The following ZBTB20 variants were observed in gnomAD, a reference collection of about 807,000 sequenced individuals.
ZBTB20 encodes the protein zinc finger and BTB domain-containing protein 20.
A neutral mutation model predicts 56.9 loss-of-function variants in ZBTB20; 9 were observed. The ratio of observed to expected loss-of-function variants is 0.16; its 90% CI spans 0.10 to 0.28. The LOEUF is 0.28. Ranked by LOEUF, ZBTB20 falls within the 10% of genes least tolerant of loss-of-function variation. The pLI is 1.00. For synonymous variants in ZBTB20, 417 were observed against 420.7 expected, an observed-to-expected ratio of 0.99 and a Z score of 0.11; for missense variants, 655 against 1,003.0, an observed-to-expected ratio of 0.65 and a Z score of 4.69.
chr3:114,432,208 T>G (rs1430760928), intron 7 of ZBTB20, among the ~76,000 whole-genome samples: 1 of 151,926 alleles, frequency 6.6e-6, no homozygotes, highest in Non-Finnish European at 1.5e-5. Flanking sequence ...AATCCTGCTT[T>G]GATATGTTTA....
intron 5 of ZBTB20, among the ~76,000 whole-genome samples, chr3:114,794,652 C>T (rs2071213119): frequency 6.6e-6 from 1 of 152,006 alleles, no homozygotes; most frequent in African/African-American, 2.4e-5. Flanking sequence ...GTTTAATTTC[C>T]ACATTCCCTC....
At chr3:115,138,599 A>G (rs1445337752) in intron 1 of ZBTB20, among the ~76,000 whole-genome samples, 1 of 152,036 alleles carries the variant, frequency 6.6e-6, no homozygotes, top group Non-Finnish European at 1.5e-5. Flanking sequence ...ACTTGAGTTT[A>G]ATTTCCCATG....
At chr3:114,648,513 AT>A (rs1391194031) in intron 6 of ZBTB20, among the ~76,000 whole-genome samples, 1 of 152,020 alleles carries the variant, frequency 6.6e-6, no homozygotes, top group Non-Finnish European at 1.5e-5. Context: ...AGAAAGTGTC[AT>A]TCATAAAAGT....
At chr3:114,422,642 A>G (rs568066487) in intron 7 of ZBTB20, among the ~76,000 whole-genome samples, 1 of 152,248 alleles carries the variant, frequency 6.6e-6, no homozygotes, top group African/African-American at 2.4e-5. Flanking sequence ...ACTGAACATA[A>G]CTTGTTCCAC....
chr3:114,638,042 A>C (rs1396761326), intron 6 of ZBTB20, among the ~76,000 whole-genome samples: 1 of 152,016 alleles, frequency 6.6e-6, no homozygotes, highest in African/African-American at 2.4e-5. Flanking sequence ...CAATGTGCTC[A>C]GTGCTGGATG....
chr3:114,633,631 G>C (rs2059089376), intron 6 of ZBTB20, among the ~76,000 whole-genome samples: 1 of 152,052 alleles, frequency 6.6e-6, no homozygotes, highest in African/African-American at 2.4e-5. Flanking sequence ...TATAACTCCA[G>C]AAAAATCAGG....
At chr3:114,486,032 G>A (rs949412409) in intron 7 of ZBTB20, among the ~76,000 whole-genome samples, 20 of 148,544 alleles carry the variant, frequency 1.3e-4, no homozygotes, top group African/African-American at 4.9e-4. Context: ...ACATCAAAAT[G>A]TTTCAAAAGG....
Position 114,351,054 on chromosome 3 carries a change from G to T in ZBTB20, c.1024C>A (p.Gln342Lys), listed in dbSNP as rs751031858. 1 of 1,611,810 alleles carries T rather than the reference G, an allele frequency of 6.2e-7. No homozygotes were observed. Among genetic ancestry groups the T allele is most frequent in the East Asian group, 2.2e-5 (1 of 44,716 alleles). The change falls in exon 11 of 12, where the codon CAG becomes AAG. Residue 342 changes from glutamine to lysine, a missense_variant. Physicochemically the swap from Gln to Lys is moderately conservative, Grantham distance 53. Coordinates refer to ENST00000675478, the MANE Select transcript of ZBTB20 (RefSeq NM_001348800.3). ...CGTTCCAGGATCTGCACCCTTTGCT[G>T]CCCGTAGTAGTCGTAATCGTCCTCC... ...EMEDDYDYYG[Q>K]QRVQILERNE...
intron 1 of ZBTB20, among the ~76,000 whole-genome samples, chr3:115,136,056 T>A (rs2084644386): frequency 6.6e-6 from 1 of 152,110 alleles, no homozygotes; most frequent in Non-Finnish European, 1.5e-5. Flanking sequence ...TATAATTCTG[T>A]GTACTCTATT....
chr3:114,471,745 A>G (rs866435529), intron 7 of ZBTB20, among the ~76,000 whole-genome samples: 2 of 152,228 alleles, frequency 1.3e-5, no homozygotes, highest in African/African-American at 2.4e-5. Flanking sequence ...ACTCTACTCA[A>G]AAAAACATCT....
At chr3:114,599,695 C>A (rs1386442178) in intron 6 of ZBTB20, among the ~76,000 whole-genome samples, 3 of 151,980 alleles carry the variant, frequency 2.0e-5, no homozygotes, top group Admixed American at 6.6e-5. Context: ...AAAAATACCT[C>A]TATTATTATT....
intron 6 of ZBTB20, chr3:114,687,348 A>G (rs990830460): frequency 1.3e-5 from 2 of 151,988 alleles, no homozygotes; most frequent in African/African-American, 4.8e-5. Flanking sequence ...AAGAATAACA[A>G]ATTCATGTAC....
rs57058775 is a variant in ZBTB20, at chr3:114,329,709, GAAAAAAAAAAAAAAAA to G, written c.*9280_*9295del. On this transcript the variant is annotated 3_prime_UTR_variant, in exon 12 of 12. Coordinates refer to ENST00000675478, the MANE Select transcript of ZBTB20 (RefSeq NM_001348800.3). ...TGAAACTCTGGTTTTACTTTTTTTGGAAAAAAAAAAAAAAAAAAAAAAAAAAAACAACTCCCAGGAA... is the reference window on the plus strand; with the variant it reads ...TGAAACTCTGGTTTTACTTTTTTTGGAAAAAAAAAAAACAACTCCCAGGAA... 3.1e-5 allele frequency: 2 copies of G among 63,910 alleles called. No individual in the cohort carries two copies. Among genetic ancestry groups the G allele is most frequent in the Admixed American group, 2.4e-4 (1 of 4,084 alleles). 4.0% of individuals were successfully genotyped at this position (63,910 alleles called of 1,614,324 possible). A position where few individuals can be genotyped will look rare whatever the true frequency, so the allele number is the denominator to read the frequency against.
At chr3:115,068,538 T>C (rs533394919) in intron 2 of ZBTB20, among the ~76,000 whole-genome samples, 74 of 152,196 alleles carry the variant, frequency 4.9e-4, no homozygotes, top group Non-Finnish European at 9.7e-4. Flanking sequence ...TTGAATAATA[T>C]TCATAGATAG....
At chr3:114,684,620 G>A (rs546400394) in intron 6 of ZBTB20, 1 of 152,300 alleles carries the variant, frequency 6.6e-6, no homozygotes, top group Admixed American at 6.5e-5. Context: ...CAAGGATGAA[G>A]GTGGGGTTAT....
At chr3:114,697,276 T>C (rs766235970) in intron 5 of ZBTB20, among the ~76,000 whole-genome samples, 5 of 152,042 alleles carry the variant, frequency 3.3e-5, no homozygotes, top group Non-Finnish European at 5.9e-5. Flanking sequence ...ATTCATTTCA[T>C]ACTTTAAATG....
chr3:114,974,839 T>C (rs1013960154), intron 2 of ZBTB20, among the ~76,000 whole-genome samples: 2 of 152,078 alleles, frequency 1.3e-5, no homozygotes, highest in Non-Finnish European at 2.9e-5. Flanking sequence ...TTTAAAAGTA[T>C]GCAAAGATAA....
intron 3 of ZBTB20, among the ~76,000 whole-genome samples, chr3:114,902,271 T>G: frequency 6.6e-6 from 1 of 152,212 alleles, no homozygotes; most frequent in Non-Finnish European, 1.5e-5. Flanking sequence ...CTCTTCAACC[T>G]AGCACAGCCT....
intron 2 of ZBTB20, among the ~76,000 whole-genome samples, chr3:115,055,649 G>C (rs1469411401): frequency 1.3e-5 from 2 of 151,932 alleles, no homozygotes; most frequent in Admixed American, 6.6e-5. Context: ...TAAAGATAAA[G>C]AATATAAAAA....
Sources: allele counts gnomAD v4.1 joint callset (sites outside exome capture counted in the v4.1 genomes callset), GRCh38; gene constraint gnomAD v4.1.1; transcripts MANE v1.5; gene names NCBI Gene and HGNC (gene_info 2026-07-23, HGNC 2026-07-21).